GTF2A1L: variants seen among roughly 807,000 people sequenced by gnomAD.
The protein encoded by GTF2A1L is TFIIA-alpha and beta-like factor.
Under a neutral mutation model 49.7 loss-of-function variants are expected in GTF2A1L, and 48 were observed. The observed-to-expected ratio is 0.97, with a 90% CI of 0.77 to 1.23. The LOEUF (loss-of-function observed/expected upper bound fraction) is 1.23. Among genes scored for constraint, GTF2A1L ranks in the 50% most tolerant of loss-of-function variants. GTF2A1L has a pLI of 0.00. For missense variants in GTF2A1L, 736 were observed against 564.8 expected (o/e 1.30, Z -3.07); for synonymous variants, 246 against 193.5 (o/e 1.27, Z -2.25).
rs765214216 is a variant in GTF2A1L at position 48,645,017 on chromosome 2, A to T, written c.304-16A>T. On this transcript the variant is annotated splice_polypyrimidine_tract_variant and intron_variant, in intron 4 of 8. Transcript: ENST00000403751. Reference sequence around the variant, plus strand: ...AGTCCTTTTCTAACTTTCTAATATAAATTTCTTATATCTAGGGCACTTCAA... The same window carrying T: ...AGTCCTTTTCTAACTTTCTAATATATATTTCTTATATCTAGGGCACTTCAA... 6.3e-7 allele frequency: 1 copy of T among 1,583,384 alleles called. No homozygotes were observed. The highest frequency in any genetic ancestry group is 8.5e-7 in the Non-Finnish European group (1 of 1,171,608).
chr2:48,631,783 G>T (rs1187749659), intron 3 of GTF2A1L, among the ~76,000 whole-genome samples: 1 of 152,048 alleles, frequency 6.6e-6, no homozygotes, highest in African/African-American at 2.4e-5. Flanking sequence ...ACTTTTTGTG[G>T]TAGGCATTTA....
intron 4 of GTF2A1L, among the ~76,000 whole-genome samples, chr2:48,643,249 A>C (rs1354793592): frequency 2.6e-5 from 4 of 152,212 alleles, no homozygotes; most frequent in African/African-American, 9.6e-5. Flanking sequence ...TGAAGGCAGA[A>C]GATACATTTA....
At chr2:48,619,441 G>C (rs1030944734) in intron 1 of GTF2A1L, among the ~76,000 whole-genome samples, 9 of 149,958 alleles carry the variant, frequency 6.0e-5, no homozygotes, top group Non-Finnish European at 1.0e-4. Flanking sequence ...CCGTACTCCA[G>C]CCTGGGTGAC....
chr2:48,667,219 A>G (rs186347507), intron 6 of GTF2A1L, among the ~76,000 whole-genome samples: 13 of 151,778 alleles, frequency 8.6e-5, no homozygotes, highest in African/African-American at 2.9e-4. Context: ...TCAGTGTCCC[A>G]AAGTGCTGGG....
rs545556866 is a variant in GTF2A1L, at chr2:48,677,697, G to T, written c.1330-1638G>T. Among the ~76,000 whole-genome samples the T allele has an allele frequency of 1.4e-4, 21 of 152,098 alleles. 1 individual carries two copies. The South Asian group carries it at 4.4e-3, about 32-fold the overall frequency. On this transcript the variant is annotated intron_variant, in intron 8 of 8. Coordinates refer to ENST00000403751, the MANE Select transcript of GTF2A1L (RefSeq NM_006872.5). ...AAGGGTAAAAACAGGAACTAGTTATGAGGCTATTGTATTGACCTGGGCAAG... is the reference window on the plus strand; with the variant it reads ...AAGGGTAAAAACAGGAACTAGTTATTAGGCTATTGTATTGACCTGGGCAAG...
chr2:48,653,088 G>A (rs1677955188), intron 6 of GTF2A1L, among the ~76,000 whole-genome samples: 1 of 151,614 alleles, frequency 6.6e-6, no homozygotes, highest in Non-Finnish European at 1.5e-5. Context: ...AATTAGCCTG[G>A]CGTGCGGCTG....
chr2:48,624,542 C>A lies in GTF2A1L; in HGVS notation c.247+3252C>A, dbSNP rs550298814. ...ACATATCTGTCATCTCACATAGGTG[C>A]TCATTTTAGGTACTTTTAGTATGCC... On this transcript the variant is annotated intron_variant, in intron 3 of 8. Coordinates refer to ENST00000403751, the MANE Select transcript of GTF2A1L (RefSeq NM_006872.5). 4.3e-4 allele frequency among the ~76,000 whole-genome samples: 62 copies of A among 144,262 alleles called. 6 individuals are homozygous for A. The highest frequency in any genetic ancestry group is 1.4e-3 in the African/African-American group (58 of 40,696). The allele number at this position is 144,262 out of a possible 152,430, so 94.6% of individuals were successfully genotyped here. A position where few individuals can be genotyped will look rare whatever the true frequency, so the allele number is the denominator to read the frequency against.
intron 8 of GTF2A1L, among the ~76,000 whole-genome samples, chr2:48,672,740 A>G (rs749126798): frequency 1.7e-4 from 26 of 152,208 alleles, no homozygotes; most frequent in Non-Finnish European, 3.1e-4. Flanking sequence ...TTTGTCCTTA[A>G]TTCATGAATA....
Position 48,645,052 on chromosome 2 carries a change from C to G in GTF2A1L, c.323C>G (p.Ala108Gly). 6.2e-7 allele frequency: 1 copy of G among 1,612,106 alleles called. No individual in the cohort carries two copies. Among genetic ancestry groups the G allele is most frequent in the South Asian group, 1.1e-5 (1 of 90,616 alleles). Residue 108 changes from alanine to glycine, a missense_variant, in exon 5 of 9, where the codon GCA (alanine) becomes GGA (glycine). By Grantham distance (60) the Ala-to-Gly change is moderately conservative. Coordinates refer to ENST00000403751, the MANE Select transcript of GTF2A1L (RefSeq NM_006872.5). ...TAELGTSNSS[A>G]NFTFPGYPIH... ...ATCTAGGGCACTTCAAACTCCAGTG[C>G]AAACTTTACTTTTCCTGGTTATCCC... is the stretch of plus-strand genomic sequence containing the variant.
Position 48,679,504 on chromosome 2 carries a change from A to T in GTF2A1L, c.*62A>T. The T allele has an allele frequency of 6.3e-7, 1 of 1,591,424 alleles. No individual in the cohort carries two copies. ...AGTTGGATTATATTGCATATTGTGA[A>T]TTCATTTTTATTTTGAATATAGTCC... On this transcript the variant is annotated 3_prime_UTR_variant, in exon 9 of 9. Coordinates refer to ENST00000403751, the MANE Select transcript of GTF2A1L (RefSeq NM_006872.5).
rs1358296984 is a variant in GTF2A1L, at chr2:48,628,412, G to A, written c.247+7122G>A. ...GTTGCTTTTTGACTTTTTAATAATA[G>A]CCATTGTGACTGGTGTGAGGTGGTA... On this transcript the variant is annotated intron_variant, in intron 3 of 8. Transcript: ENST00000403751. Among the ~76,000 whole-genome samples, 6 of 143,860 alleles carry A rather than the reference G, an allele frequency of 4.2e-5. 1 individual carries two copies. The highest frequency in any genetic ancestry group is 1.5e-4 in the African/African-American group (6 of 40,422). The allele number at this position is 143,860 out of a possible 152,430, so 94.4% of individuals were successfully genotyped here. A position where few individuals can be genotyped will look rare whatever the true frequency, so the allele number is the denominator to read the frequency against.
intron 7 of GTF2A1L, 114 bp from the exon 8 acceptor site, chr2:48,671,477 T>A: frequency 9.4e-7 from 1 of 1,069,276 alleles, no homozygotes; most frequent in Non-Finnish European, 1.3e-6. Context: ...GTGCTGGGAT[T>A]ATAGGAATGA....
In GTF2A1L at chr2:48,660,506, G is replaced by A. The variant is rs151079173; in HGVS notation, c.979-9216G>A. ...TGCTTTCTGGTTCAGTCTAGATTGC[G>A]TATTTCTAGGACTTTGTTAATTTTT... is the stretch of plus-strand genomic sequence containing the variant. On this transcript the variant is annotated intron_variant, in intron 6 of 8. Coordinates refer to ENST00000403751, the MANE Select transcript of GTF2A1L (RefSeq NM_006872.5). Among the ~76,000 whole-genome samples the A allele has an allele frequency of 4.6e-3, 701 of 152,006 alleles. 4 individuals carry two copies. The highest frequency in any genetic ancestry group is 0.015 in the African/African-American group (632 of 41,486).
chr2:48,668,830 G>A (rs1679008979), intron 6 of GTF2A1L, among the ~76,000 whole-genome samples: 1 of 139,114 alleles, frequency 7.2e-6, no homozygotes, highest in South Asian at 2.2e-4. Context: ...GCGAGACCCC[G>A]CCTCAAAAAA....
At chr2:48,644,363 A>G (rs1572726474) in intron 4 of GTF2A1L, among the ~76,000 whole-genome samples, 1 of 152,188 alleles carries the variant, frequency 6.6e-6, no homozygotes, top group East Asian at 1.9e-4. Context: ...TAATTTAGTA[A>G]TATAGATGGA....
chr2:48,646,921 C>T lies in GTF2A1L; in HGVS notation c.857C>T (p.Ala286Val), dbSNP rs34078123. ...TCCCTCTCCACAAGCCCTCATGGGGCTCTCCACCAGCACGTGACTGATATT... is the reference window on the plus strand; with the variant it reads ...TCCCTCTCCACAAGCCCTCATGGGGTTCTCCACCAGCACGTGACTGATATT... ...DESLSTSPHG[A>V]LHQHVTDIQL... The change falls in exon 6 of 9, where the codon GCT (alanine) becomes GTT (valine). Residue 286 changes from alanine to valine, a missense_variant. Physicochemically the swap from Ala to Val is moderately conservative, Grantham distance 64. Transcript: ENST00000403751. 3.9e-4 allele frequency: 629 copies of T among 1,614,172 alleles called. 2 individuals carry two copies. In the African/African-American group the frequency reaches 7.4e-3, roughly 19 times the overall value.
chr2:48,626,379 A>G (rs968281652), intron 3 of GTF2A1L, among the ~76,000 whole-genome samples: 9 of 142,900 alleles, frequency 6.3e-5, no homozygotes, highest in African/African-American at 2.2e-4. Context: ...GTTCCATATG[A>G]ATTTTAGACT....
intron 3 of GTF2A1L, among the ~76,000 whole-genome samples, chr2:48,631,275 G>A (rs925845947): frequency 1.3e-5 from 2 of 152,000 alleles, no homozygotes; most frequent in Admixed American, 1.3e-4. Flanking sequence ...TGGGTGGTAG[G>A]TTTTTTATTA....
chr2:48,623,125 G>C (rs936387377), intron 3 of GTF2A1L, among the ~76,000 whole-genome samples: 44 of 152,074 alleles, frequency 2.9e-4, no homozygotes, highest in Non-Finnish European at 5.7e-4. Flanking sequence ...TTATAGGCTT[G>C]TTCCTGTCTC....
Sources: gnomAD v4.1 joint callset for allele counts (sites outside exome capture counted in the v4.1 genomes callset) on GRCh38, gnomAD v4.1.1 for gene constraint, MANE v1.5 for transcripts, NCBI Gene and HGNC (gene_info 2026-07-23, HGNC 2026-07-21) for gene names.